Variants in CDCP2 observed in about 807,000 individuals in gnomAD.
CDCP2 encodes the protein CUB domain-containing protein 2.
Under a neutral mutation model 31.0 loss-of-function variants are expected in CDCP2, and 31 were observed. The ratio of observed to expected loss-of-function variants is 1.00; its 90% CI spans 0.75 to 1.35. CDCP2 has a LOEUF of 1.35. Among genes scored for constraint, CDCP2 ranks in the 40% most tolerant of loss-of-function variants. The pLI is 0.00. For synonymous variants in CDCP2, 206 were observed against 207.9 expected (o/e 0.99, Z 0.08); for missense variants, 443 against 482.6 (o/e 0.92, Z 0.77).
chr1:54,140,137 A>T (rs770548144), intron 3 of CDCP2, 31 bp from the exon 4 acceptor site: 2 of 1,597,714 alleles, frequency 1.3e-6, no homozygotes, highest in East Asian at 4.5e-5. Flanking sequence ...TGGAAGGAGC[A>T]ACAGTGAGGG....
At position 54,152,895 on chromosome 1, in the gene CDCP2, G is replaced by T. The variant is rs139921302; in HGVS notation, c.28C>A (p.Leu10Met). ...GGGCCCAGCAGTGCCACTGCCAGCA[G>T]CAGGCAAGCCCCCCACTCTGCCAGC... The change falls in exon 1 of 6, where the codon CTG (leucine) becomes ATG (methionine). Residue 10 changes from leucine (L) to methionine (M), a missense_variant. By Grantham distance (15) the Leu-to-Met change is conservative. Transcript: ENST00000530059. 816 of 1,614,200 alleles carry T rather than the reference G, an allele frequency of 5.1e-4. 3 individuals carry two copies. In the African/African-American group the frequency reaches 8.6e-3, roughly 17 times the overall value.
At chr1:54,132,897 G>A (rs376514358), downstream of CDCP2, 11 of 397,808 alleles carry the variant, frequency 2.8e-5, no homozygotes, top group Middle Eastern at 1.2e-3. Context: ...GCAAGTCCCC[G>A]TCCCACCCCT....
exon 4 of CDCP2, chr1:54,140,063 G>A: frequency 6.2e-7 from 1 of 1,613,640 alleles, no homozygotes; most frequent in Non-Finnish European, 8.5e-7. Context: ...ACTGTGGGCT[G>A]GAGAAGTTGC....
chr1:54,145,937 A>C (rs1011290639), intron 1 of CDCP2, among the ~76,000 whole-genome samples: 1 of 152,354 alleles, frequency 6.6e-6, no homozygotes, highest in South Asian at 2.1e-4. Context: ...ACTTGGAGAC[A>C]CAGTCACATG....
intron 1 of CDCP2, among the ~76,000 whole-genome samples, chr1:54,147,480 G>T (rs2100431135): frequency 6.6e-6 from 1 of 151,842 alleles, no homozygotes; most frequent in East Asian, 1.9e-4. Context: ...CAATTCTCCT[G>T]CCTCAGCCTC....
chr1:54,140,454 C>T lies in CDCP2; in HGVS notation c.764-348G>A, dbSNP rs183304415. On this transcript the variant is annotated intron_variant, in intron 3 of 5. Coordinates refer to ENST00000530059, the Ensembl canonical transcript of CDCP2. ...GCTTGACAGATGATGTGGTTCATGCCTGGCCTTTCCCCTTTTCTCACTGCC... is the reference window on the plus strand; with the variant it reads ...GCTTGACAGATGATGTGGTTCATGCTTGGCCTTTCCCCTTTTCTCACTGCC... 19 of 377,224 alleles carry T rather than the reference C, an allele frequency of 5.0e-5. No individual in the cohort carries two copies. The East Asian group carries it at 1.2e-3, about 25-fold the overall frequency. 23.4% of individuals were successfully genotyped at this position (377,224 alleles called of 1,614,324 possible). A position where few individuals can be genotyped will look rare whatever the true frequency, so the allele number is the denominator to read the frequency against.
intron 1 of CDCP2, among the ~76,000 whole-genome samples, chr1:54,150,889 C>T (rs1180247245): frequency 6.6e-6 from 1 of 152,220 alleles, no homozygotes; most frequent in Non-Finnish European, 1.5e-5. Context: ...AACATGTGCC[C>T]TGTACCAGGC....
intron 2 of CDCP2, chr1:54,143,399 C>T (rs1199278187): frequency 7.0e-6 from 1 of 142,920 alleles, no homozygotes; most frequent in Non-Finnish European, 1.5e-5. Flanking sequence ...TAAAACATTG[C>T]CTTTATTTTT....
chr1:54,138,660 A>G (rs142487254), intron 4 of CDCP2: 1 of 152,242 alleles, frequency 6.6e-6, no homozygotes, highest in Non-Finnish European at 1.5e-5. Flanking sequence ...TTGGATGATA[A>G]GTAAATGGCA....
intron 5 of CDCP2, among the ~76,000 whole-genome samples, chr1:54,133,922 C>CAAAAAAAAG (rs58882302): frequency 6.7e-6 from 1 of 148,576 alleles, no homozygotes; most frequent in Non-Finnish European, 1.5e-5. Flanking sequence ...ACAAAAAAAA[C>CAAAAAAAAG]CCCATGTTAC....
At chr1:54,147,811 C>G (rs944919666) in intron 1 of CDCP2, among the ~76,000 whole-genome samples, 9 of 151,524 alleles carry the variant, frequency 5.9e-5, no homozygotes, top group African/African-American at 2.0e-4. Context: ...GAGTTTGAGA[C>G]CAGCCTGGGC....
In CDCP2 at chr1:54,139,605, G is replaced by A. The variant is rs267598652; in HGVS notation, c.1117+148C>T. The A allele has an allele frequency of 3.7e-6, 6 of 1,612,698 alleles. No individual in the cohort carries two copies. The East Asian group carries it at 8.9e-5, about 24-fold the overall frequency. On this transcript the variant is annotated intron_variant, in intron 4 of 5. Transcript: ENST00000530059. ...TCTTAGGGGTCCCGAGAGTGGGCAA[G>A]GGTGTAGCCAATGGAGAAGGAGCTG...
At chr1:54,144,536 A>G in exon 2 of CDCP2, 1 of 1,612,344 alleles carries the variant, frequency 6.2e-7, no homozygotes, top group African/African-American at 1.3e-5. Flanking sequence ...CAGACATGAC[A>G]TGCCAGGAGG....
At chr1:54,133,867 G>C (rs1226214518) in intron 5 of CDCP2, among the ~76,000 whole-genome samples, 1 of 138,636 alleles carries the variant, frequency 7.2e-6, no homozygotes, top group Non-Finnish European at 1.6e-5. Flanking sequence ...CTGCACTCCA[G>C]CCTGTGGGAC....
exon 2 of CDCP2, chr1:54,144,466 C>A (rs769056742): frequency 1.3e-6 from 2 of 1,568,136 alleles, no homozygotes; most frequent in East Asian, 4.5e-5. Context: ...CCCCGTTGAC[C>A]TTTCTGGTAG....
At chr1:54,139,902 T>C (rs1351946866) in exon 4 of CDCP2, 1 of 1,613,980 alleles carries the variant, frequency 6.2e-7, no homozygotes, top group Non-Finnish European at 8.5e-7. Context: ...GCTGGCCCCA[T>C]CGAAGGCCGC....
intron 1 of CDCP2, among the ~76,000 whole-genome samples, chr1:54,145,259 C>G (rs1659444056): frequency 6.6e-6 from 1 of 152,102 alleles, no homozygotes; most frequent in African/African-American, 2.4e-5. Context: ...AATCCCATCT[C>G]TACTAAAAAT....
Position 54,145,068 on chromosome 1 carries a change from A to T in CDCP2, c.80-255T>A, listed in dbSNP as rs533420246. On this transcript the variant is annotated intron_variant, in intron 1 of 5. Transcript: ENST00000530059. Reference sequence around the variant, plus strand: ...TCACAGCAGAAACAAAACAGACAAAACCCCTACCCTCATGGAACCTACATT... The same window carrying T: ...TCACAGCAGAAACAAAACAGACAAATCCCCTACCCTCATGGAACCTACATT... Among the ~76,000 whole-genome samples, 12 of 152,090 alleles carry T rather than the reference A, an allele frequency of 7.9e-5. No homozygotes were observed. The East Asian group carries it at 2.3e-3, about 29-fold the overall frequency.
chr1:54,150,089 C>G (rs990761344), intron 1 of CDCP2, among the ~76,000 whole-genome samples: 1 of 152,204 alleles, frequency 6.6e-6, no homozygotes, highest in Non-Finnish European at 1.5e-5. Context: ...GGACGCCTGA[C>G]TCTAGCTGGG....
Sources: allele counts gnomAD v4.1 joint callset (sites outside exome capture counted in the v4.1 genomes callset), GRCh38; gene constraint gnomAD v4.1.1; transcripts MANE v1.5; gene names NCBI Gene and HGNC (gene_info 2026-07-23, HGNC 2026-07-21).